The following MEF2A variants were observed in gnomAD, a reference collection of about 807,000 sequenced individuals.
MEF2A encodes myocyte-specific enhancer factor 2A.
MEF2A carries 28 observed loss-of-function variants against 55.8 expected under a neutral mutation model. The ratio of observed to expected loss-of-function variants is 0.50; its 90% CI spans 0.37 to 0.69. The LOEUF (loss-of-function observed/expected upper bound fraction) is 0.69, where lower values mean the gene tolerates loss of function less well. Among genes scored for constraint, MEF2A ranks in the 30% least tolerant of loss-of-function variants. The pLI is 0.00. For synonymous variants in MEF2A, 239 were observed against 227.1 expected, an observed-to-expected ratio of 1.05 and a Z score of -0.47; for missense variants, 528 against 626.2, an observed-to-expected ratio of 0.84 and a Z score of 1.67.
intron 10 of MEF2A, 87 bp from the exon 11 acceptor site, chr15:99,710,547 T>C: frequency 6.5e-7 from 1 of 1,531,690 alleles, no homozygotes; most frequent in African/African-American, 1.4e-5. Flanking sequence ...CTGGCCTCAA[T>C]GTAGGAACTT....
intron 8 of MEF2A, among the ~76,000 whole-genome samples, chr15:99,692,647 A>G (rs960810164): frequency 4.6e-5 from 7 of 152,116 alleles, no homozygotes; most frequent in African/African-American, 1.4e-4. Context: ...GTTCTCTTGT[A>G]TACTTTTTTA....
At chr15:99,637,982 G>A (rs2044191461) in intron 3 of MEF2A, among the ~76,000 whole-genome samples, 1 of 152,088 alleles carries the variant, frequency 6.6e-6, no homozygotes, top group Admixed American at 6.6e-5. Context: ...GGTATAAACT[G>A]GTATCTTGTG....
At chr15:99,703,829 A>T (rs908426665) in intron 9 of MEF2A, among the ~76,000 whole-genome samples, 4 of 152,178 alleles carry the variant, frequency 2.6e-5, no homozygotes, top group Non-Finnish European at 4.4e-5. Flanking sequence ...TCAGCGTTGG[A>T]ATTATTTCAT....
intron 4 of MEF2A, among the ~76,000 whole-genome samples, chr15:99,665,677 T>C (rs2049484683): frequency 7.2e-6 from 1 of 139,784 alleles, no homozygotes; most frequent in South Asian, 2.2e-4. Context: ...ATTTTTGCGA[T>C]CTATCCATCT....
chr15:99,682,430 A>T (rs1481456538), intron 7 of MEF2A, among the ~76,000 whole-genome samples: 4 of 152,076 alleles, frequency 2.6e-5, no homozygotes, highest in Non-Finnish European at 5.9e-5. Context: ...TGTAGTTCCT[A>T]GGTTTGTAAA....
chr15:99,706,685 T>A, intron 9 of MEF2A, 44 bp from the exon 10 acceptor site: 1 of 1,601,262 alleles, frequency 6.2e-7, no homozygotes, highest in East Asian at 2.2e-5. Flanking sequence ...TAAGTCAACA[T>A]AAATACCACA....
chr15:99,708,691 G>T (rs1047779125), intron 10 of MEF2A, among the ~76,000 whole-genome samples: 8 of 152,244 alleles, frequency 5.3e-5, no homozygotes, highest in Admixed American at 2.6e-4. Context: ...AAATGCAGGA[G>T]TGCAGTCAGC....
intron 2 of MEF2A, among the ~76,000 whole-genome samples, chr15:99,623,095 A>G (rs374886831): frequency 2.4e-4 from 37 of 152,270 alleles, no homozygotes; most frequent in African/African-American, 8.9e-4. Flanking sequence ...ACTAACTACC[A>G]TTCTACTCTA....
Position 99,712,306 on chromosome 15 carries a change from C to T in MEF2A, c.1137-84C>T. 6.9e-7 allele frequency: 1 copy of T among 1,441,766 alleles called. No homozygotes were observed. Among genetic ancestry groups the T allele is most frequent in the Middle Eastern group, 1.8e-4 (1 of 5,490 alleles). The allele number at this position is 1,441,766 out of a possible 1,614,324, so 89.3% of individuals were successfully genotyped here. Reference sequence around the variant, plus strand: ...AGATTTCAGACTCTGGGCCCTTTTCCATCAGGCAGTGTCTCTACTGTATCA... The same window carrying T: ...AGATTTCAGACTCTGGGCCCTTTTCTATCAGGCAGTGTCTCTACTGTATCA... On this transcript the variant is annotated intron_variant, in intron 11 of 11. Transcript: ENST00000557942. This position sits in a 1 kb window ranked among gnomAD's most constrained non-coding sequence, Gnocchi z 4.1.
At chr15:99,623,340 AT>A (rs2041547075) in intron 2 of MEF2A, among the ~76,000 whole-genome samples, 1 of 152,156 alleles carries the variant, frequency 6.6e-6, no homozygotes, top group African/African-American at 2.4e-5. Context: ...CCTTTTGACT[AT>A]TGTGAATAAT....
intron 1 of MEF2A, among the ~76,000 whole-genome samples, chr15:99,573,935 T>A (rs929117320): frequency 1.3e-5 from 2 of 152,224 alleles, no homozygotes; most frequent in Non-Finnish European, 2.9e-5. Flanking sequence ...TAATTGATGG[T>A]ATGGATTACG....
chr15:99,684,292 G>C (rs575790590), intron 7 of MEF2A, among the ~76,000 whole-genome samples: 2 of 152,312 alleles, frequency 1.3e-5, no homozygotes, highest in African/African-American at 4.8e-5. Context: ...TCTCTGTACT[G>C]TTTTCTTTAG....
chr15:99,662,874 T>C (rs1302629025), intron 4 of MEF2A, among the ~76,000 whole-genome samples: 1 of 152,244 alleles, frequency 6.6e-6, no homozygotes, highest in Non-Finnish European at 1.5e-5. Context: ...ACTGCTCAGC[T>C]GTGTCATAGC....
chr15:99,692,241 G>A (rs748942770), intron 8 of MEF2A, among the ~76,000 whole-genome samples: 1 of 152,186 alleles, frequency 6.6e-6, no homozygotes, highest in Non-Finnish European at 1.5e-5. Context: ...TGGAAACTGA[G>A]TTAAAGGTTA....
chr15:99,622,678 T>C (rs2041384065), intron 2 of MEF2A, among the ~76,000 whole-genome samples: 1 of 151,340 alleles, frequency 6.6e-6, no homozygotes, highest in Admixed American at 6.6e-5. Flanking sequence ...ATCACCACCA[T>C]CCTTCTTTAG....
intron 1 of MEF2A, among the ~76,000 whole-genome samples, chr15:99,572,866 G>A (rs1279814583): frequency 6.6e-6 from 1 of 152,182 alleles, no homozygotes; most frequent in Non-Finnish European, 1.5e-5. Flanking sequence ...TATAATTGAT[G>A]TCACTGTCTT....
In MEF2A at chr15:99,701,062, G is replaced by A. The variant is rs535999961; in HGVS notation, c.859-2300G>A. 5.9e-5 allele frequency among the ~76,000 whole-genome samples: 9 copies of A among 152,290 alleles called. No homozygotes were observed. In the South Asian group the frequency reaches 1.9e-3, roughly 32 times the overall value. ...AGTGGATAAATGCTAACATAAGTGG[G>A]CAAAAAGTTTAAGTAAAAAGCTATT... On this transcript the variant is annotated intron_variant, in intron 8 of 11. Coordinates refer to ENST00000557942, the MANE Select transcript of MEF2A (RefSeq NM_001319206.4).
intron 4 of MEF2A, chr15:99,657,389 A>G (rs558388974): frequency 4.6e-5 from 7 of 151,810 alleles, no homozygotes; most frequent in African/African-American, 1.7e-4. Flanking sequence ...GATTTTTTTT[A>G]AAATTTTGAT....
At chr15:99,671,276 T>C (rs1224404118) in intron 4 of MEF2A, 47 bp from the exon 5 acceptor site, 2 of 1,575,778 alleles carry the variant, frequency 1.3e-6, no homozygotes, top group Admixed American at 1.8e-5. Context: ...GAAAAACTCA[T>C]GGCAAGTTAG....
Sources: allele counts gnomAD v4.1 joint callset (sites outside exome capture counted in the v4.1 genomes callset), GRCh38; gene constraint gnomAD v4.1.1; non-coding constraint Gnocchi (gnomAD v3.1); transcripts MANE v1.5; gene names NCBI Gene and HGNC (gene_info 2026-07-23, HGNC 2026-07-21).